OPCML: variants seen among roughly 807,000 people sequenced by gnomAD.
OPCML encodes opioid-binding protein/cell adhesion molecule.
OPCML carries 13 observed loss-of-function variants against 37.8 expected under a neutral mutation model. That is an observed-to-expected ratio of 0.34 (90% CI 0.22 to 0.55). The LOEUF is 0.55. Ranked by LOEUF, OPCML falls within the 20% of genes least tolerant of loss-of-function variation. The pLI is 0.91. For missense variants in OPCML, 341 were observed against 435.6 expected, an observed-to-expected ratio of 0.78 and a Z score of 1.93; for synonymous variants, 176 against 168.8, an observed-to-expected ratio of 1.04 and a Z score of -0.33.
chr11:132,811,482 A>G (rs1401698631), intron 2 of OPCML, among the ~76,000 whole-genome samples: 1 of 152,196 alleles, frequency 6.6e-6, no homozygotes, highest in Admixed American at 6.5e-5. Context: ...TTTCTAGAAG[A>G]GCCTGATTAG....
chr11:132,931,816 G>C (rs1021804762), intron 2 of OPCML, among the ~76,000 whole-genome samples: 1 of 152,146 alleles, frequency 6.6e-6, no homozygotes, highest in African/African-American at 2.4e-5. Context: ...GATTCAAACA[G>C]ATATTTGTAC....
At chr11:133,274,452 A>G (rs1255414093) in intron 1 of OPCML, among the ~76,000 whole-genome samples, 1 of 152,190 alleles carries the variant, frequency 6.6e-6, no homozygotes, top group Non-Finnish European at 1.5e-5. Flanking sequence ...AAGCCAATGA[A>G]CACCAGGATT....
At chr11:133,508,514 C>T (rs73025672) in intron 1 of OPCML, among the ~76,000 whole-genome samples, 13,872 of 152,214 alleles carry the variant, frequency 0.091, 1,167 homozygotes, top group African/African-American at 0.23. Flanking sequence ...GAAGAGGGAC[C>T]TCTGCAAGCT....
intron 2 of OPCML, among the ~76,000 whole-genome samples, chr11:132,844,369 G>T (rs1941429501): frequency 1.3e-5 from 2 of 152,206 alleles, no homozygotes; most frequent in African/African-American, 4.8e-5. Flanking sequence ...TTTGGAAGAA[G>T]TAGAGTGAGA....
intron 1 of OPCML, among the ~76,000 whole-genome samples, chr11:133,233,099 A>C (rs1347514192): frequency 6.6e-6 from 1 of 152,174 alleles, no homozygotes; most frequent in East Asian, 1.9e-4. Flanking sequence ...TATCCTGGAC[A>C]TGTAGCAGCT....
chr11:133,060,169 T>C (rs1247997455), intron 1 of OPCML, among the ~76,000 whole-genome samples: 1 of 150,658 alleles, frequency 6.6e-6, no homozygotes, highest in Non-Finnish European at 1.5e-5. Flanking sequence ...CCTCTCCCTC[T>C]CCCTCTCCCT....
intron 2 of OPCML, among the ~76,000 whole-genome samples, chr11:132,800,876 T>C (rs913585304): frequency 5.9e-5 from 9 of 152,308 alleles, no homozygotes; most frequent in African/African-American, 1.9e-4. Context: ...GTGATGTACT[T>C]GCCTTTTTTG....
At chr11:132,625,554 C>G (rs987908056) in intron 3 of OPCML, among the ~76,000 whole-genome samples, 6 of 152,192 alleles carry the variant, frequency 3.9e-5, no homozygotes, top group African/African-American at 1.4e-4. Flanking sequence ...TAGAGGGCAT[C>G]TCTTCAGGAA....
intron 3 of OPCML, among the ~76,000 whole-genome samples, chr11:132,593,148 T>C (rs1328799134): frequency 6.6e-6 from 1 of 152,154 alleles, no homozygotes; most frequent in Non-Finnish European, 1.5e-5. Context: ...AACATGGCAC[T>C]GGGCAGGAGC....
chr11:133,373,357 G>A (rs1033610534), intron 1 of OPCML, among the ~76,000 whole-genome samples: 1 of 150,502 alleles, frequency 6.6e-6, no homozygotes, highest in African/African-American at 2.4e-5. Context: ...GAGACCAGGA[G>A]TTTGAGACCA....
rs182001347 is a variant in OPCML, at chr11:132,839,797, G to T, written c.146+103129C>A. ...CAATTATTCGGCAACTGATCTGATGGTTCCAAGACAGAAGCTAATTAAAAT... is the reference window on the plus strand; with the variant it reads ...CAATTATTCGGCAACTGATCTGATGTTTCCAAGACAGAAGCTAATTAAAAT... On this transcript the variant is annotated intron_variant, in intron 2 of 7. Transcript: ENST00000524381. 2.6e-5 allele frequency among the ~76,000 whole-genome samples: 4 copies of T among 152,324 alleles called. No homozygotes were observed. The East Asian group carries it at 7.7e-4, about 29-fold the overall frequency.
chr11:132,895,683 C>T (rs1440634836), intron 2 of OPCML, among the ~76,000 whole-genome samples: 1 of 152,116 alleles, frequency 6.6e-6, no homozygotes, highest in African/African-American at 2.4e-5. Flanking sequence ...TTCCCACCCA[C>T]AATAGTATAG....
intron 2 of OPCML, among the ~76,000 whole-genome samples, chr11:132,884,972 C>G (rs1010917929): frequency 6.6e-6 from 1 of 152,292 alleles, no homozygotes; most frequent in Non-Finnish European, 1.5e-5. Context: ...GGAATTAGAG[C>G]CGAGTCCAAG....
chr11:133,389,725 G>A (rs1232574380), intron 1 of OPCML, among the ~76,000 whole-genome samples: 2 of 152,140 alleles, frequency 1.3e-5, no homozygotes, highest in Non-Finnish European at 2.9e-5. Flanking sequence ...CTGTTCAGGG[G>A]ACATTCTTTG....
rs886883790 is a variant in OPCML, at chr11:132,419,531, A to T, written c.*662T>A. ...CTTGCAAAATTTAGTGTTGGGTTTC[A>T]TGCATAGCCCCAAACTTCAAATCTC... On this transcript the variant is annotated 3_prime_UTR_variant, in exon 8 of 8. Transcript: ENST00000524381. 2.6e-5 allele frequency: 4 copies of T among 152,168 alleles called. No individual in the cohort carries two copies. Among genetic ancestry groups the T allele is most frequent in the Admixed American group, 1.3e-4 (2 of 15,280 alleles). 9.4% of individuals were successfully genotyped at this position (152,168 alleles called of 1,614,324 possible).
intron 1 of OPCML, among the ~76,000 whole-genome samples, chr11:133,392,702 GA>G (rs1945198528): frequency 6.6e-6 from 1 of 152,214 alleles, no homozygotes; most frequent in African/African-American, 2.4e-5. Context: ...AGATTAAGGG[GA>G]GAAAACCAAG....
rs562483312 is a variant in OPCML at position 133,042,200 on chromosome 11, C to T, written c.62-99190G>A. Among the ~76,000 whole-genome samples, 38 of 152,302 alleles carry T rather than the reference C, an allele frequency of 2.5e-4. No homozygotes were observed. In the South Asian group the frequency reaches 4.3e-3, roughly 17 times the overall value. On this transcript the variant is annotated intron_variant, in intron 1 of 7. Coordinates refer to ENST00000524381, the MANE Select transcript of OPCML (RefSeq NM_001012393.5). ...CACAGCTGCAGCGTTCAAGGAATGC[C>T]GAGGGCCTCGCCCACGTGGCCAGCC...
At chr11:132,745,380 G>T (rs114735660) in intron 2 of OPCML, among the ~76,000 whole-genome samples, 419 of 152,186 alleles carry the variant, frequency 2.8e-3, no homozygotes, top group African/African-American at 9.6e-3. Context: ...GGTACTTGAG[G>T]CTCTATCAGG....
chr11:133,340,289 A>G (rs1247044730), intron 1 of OPCML, among the ~76,000 whole-genome samples: 1 of 152,152 alleles, frequency 6.6e-6, no homozygotes, highest in Non-Finnish European at 1.5e-5. Flanking sequence ...GGCAGTATGC[A>G]GTGGAATGCT....
Sources: gnomAD v4.1 joint callset for allele counts (sites outside exome capture counted in the v4.1 genomes callset) on GRCh38, gnomAD v4.1.1 for gene constraint, MANE v1.5 for transcripts, NCBI Gene and HGNC (gene_info 2026-07-23, HGNC 2026-07-21) for gene names.